Variants in MYO5A observed in about 807,000 individuals in gnomAD.
The protein encoded by MYO5A is myosin VA.
A neutral mutation model predicts 249.7 loss-of-function variants in MYO5A; 98 were observed. The ratio of observed to expected loss-of-function variants is 0.39; its 90% CI spans 0.33 to 0.46. The LOEUF (loss-of-function observed/expected upper bound fraction) is 0.46, where lower values mean the gene tolerates loss of function less well. Among genes scored for constraint, MYO5A ranks in the 20% least tolerant of loss-of-function variants. The probability of loss-of-function intolerance (pLI) is 0.98; values close to 1 mark genes in which losing one functional copy is unlikely to be tolerated. For missense variants in MYO5A, 1,696 were observed against 2,308.8 expected (o/e 0.73, Z 5.44); for synonymous variants, 778 against 810.6 (o/e 0.96, Z 0.68).
At chr15:52,384,612 T>C (rs2041900172) in intron 14 of MYO5A, among the ~76,000 whole-genome samples, 2 of 152,108 alleles carry the variant, frequency 1.3e-5, no homozygotes, top group African/African-American at 4.8e-5. Context: ...AAGTGACAAA[T>C]CTAAACATAT....
At chr15:52,379,076 T>A (rs533736957) in intron 18 of MYO5A, among the ~76,000 whole-genome samples, 1 of 152,230 alleles carries the variant, frequency 6.6e-6, no homozygotes, top group Admixed American at 6.5e-5. Flanking sequence ...TCTTACTCCC[T>A]CTTATAATAG....
Position 52,311,152 on chromosome 15 carries a change from T to G in MYO5A, c.*2544A>C, listed in dbSNP as rs2037758222. The G allele has an allele frequency of 6.6e-6, 1 of 152,206 alleles. No homozygotes were observed. The highest frequency in any genetic ancestry group is 1.5e-5 in the Non-Finnish European group (1 of 68,120). The allele number at this position is 152,206 out of a possible 1,614,324, so 9.4% of individuals were successfully genotyped here. On this transcript the variant is annotated 3_prime_UTR_variant, in exon 42 of 42. Transcript: ENST00000399233. Reference sequence around the variant, plus strand: ...CAGCCTTTCTTTCATGACGCTTCAGTACATGAGCTGTCCGGAGTAAAAAAA... The same window carrying G: ...CAGCCTTTCTTTCATGACGCTTCAGGACATGAGCTGTCCGGAGTAAAAAAA...
At chr15:52,522,857 A>T (rs968129984) in intron 1 of MYO5A, among the ~76,000 whole-genome samples, 2 of 151,630 alleles carry the variant, frequency 1.3e-5, no homozygotes, top group Admixed American at 1.3e-4. Context: ...AAAAAAAAAA[A>T]AGCTAAAAGT....
At chr15:52,320,410 G>T (rs139637488) in intron 38 of MYO5A, among the ~76,000 whole-genome samples, 6 of 152,158 alleles carry the variant, frequency 3.9e-5, no homozygotes, top group South Asian at 2.1e-4. Flanking sequence ...TCTTTGAGGC[G>T]AACTTCTTAT....
At chr15:52,528,053 G>T (rs1566885788) in intron 1 of MYO5A, among the ~76,000 whole-genome samples, 1 of 152,158 alleles carries the variant, frequency 6.6e-6, no homozygotes, top group East Asian at 1.9e-4. Context: ...TCTAAGAAAA[G>T]ACTGCCACTT....
chr15:52,416,404 A>G, intron 4 of MYO5A, 103 bp from the exon 5 acceptor site: 1 of 1,308,896 alleles, frequency 7.6e-7, no homozygotes, highest in Non-Finnish European at 1.1e-6. Context: ...TAATTAATGG[A>G]TTTTTTGGTC....
intron 39 of MYO5A, 62 bp from the exon 40 acceptor site, chr15:52,317,284 T>C: frequency 6.6e-7 from 1 of 1,519,394 alleles, no homozygotes. Flanking sequence ...AATGTCTTAA[T>C]TTTTTTGTGT....
chr15:52,362,320 TGA>T (rs1040927804), intron 24 of MYO5A, among the ~76,000 whole-genome samples: 1 of 152,218 alleles, frequency 6.6e-6, no homozygotes, highest in African/African-American at 2.4e-5. Context: ...ATTGAAGCAG[TGA>T]GAGTGTCATT....
intron 1 of MYO5A, among the ~76,000 whole-genome samples, chr15:52,510,973 G>A (rs1039648342): frequency 1.3e-5 from 2 of 152,218 alleles, no homozygotes; most frequent in African/African-American, 2.4e-5. Context: ...GTACTATACA[G>A]GTTTTGTCTA....
At chr15:52,456,908 A>C (rs2076130324) in intron 1 of MYO5A, among the ~76,000 whole-genome samples, 1 of 152,192 alleles carries the variant, frequency 6.6e-6, no homozygotes, top group Admixed American at 6.5e-5. Context: ...CTAGATAAAG[A>C]TTTTATAGCT....
chr15:52,423,578 C>G (rs904888607), intron 4 of MYO5A, among the ~76,000 whole-genome samples: 6 of 135,318 alleles, frequency 4.4e-5, no homozygotes, highest in African/African-American at 1.7e-4. Flanking sequence ...AAAACAATGG[C>G]AAGAAATGAT....
chr15:52,384,281 G>C lies in MYO5A; in HGVS notation c.1794C>G (p.Ala598=), dbSNP rs778243865. The C allele has an allele frequency of 6.2e-7, 1 of 1,614,034 alleles. No homozygotes were observed. The highest frequency in any genetic ancestry group is 1.3e-5 in the African/African-American group (1 of 74,896). Residue 598 remains alanine, a synonymous_variant, in exon 15 of 42, where the codon GCC becomes GCG. Coordinates refer to ENST00000399233, the MANE Select transcript of MYO5A (RefSeq NM_001382347.1). ...AGGAGGTGGCTGAAGTTGGACTGATGGCCTTCTCATCATCTTGAAATAGTT... is the reference window on the plus strand; with the variant it reads ...AGGAGGTGGCTGAAGTTGGACTGATCGCCTTCTCATCATCTTGAAATAGTT... ...LPELFQDDEK[A]ISPTSATSSG... is the part of the protein sequence containing the mutation.
Position 52,311,105 on chromosome 15 carries a change from T to G in MYO5A, c.*2591A>C, listed in dbSNP as rs990540994. 1 of 152,212 alleles carries G rather than the reference T, an allele frequency of 6.6e-6. No homozygotes were observed. Among genetic ancestry groups the G allele is most frequent in the African/African-American group, 2.4e-5 (1 of 41,372 alleles). 9.4% of individuals were successfully genotyped at this position (152,212 alleles called of 1,614,324 possible). ...CACTTGACAGGACAAAGACAGGAGA[T>G]GGGAGAGAAGGGCTCAGACCACAGC... On this transcript the variant is annotated 3_prime_UTR_variant, in exon 42 of 42. Coordinates refer to ENST00000399233, the MANE Select transcript of MYO5A (RefSeq NM_001382347.1).
intron 1 of MYO5A, among the ~76,000 whole-genome samples, chr15:52,466,246 T>C (rs1253541219): frequency 2.6e-5 from 4 of 152,072 alleles, no homozygotes; most frequent in South Asian, 4.1e-4. Context: ...TCTTTGGCAG[T>C]AGAGAGACTC....
At chr15:52,431,000 G>A (rs1178221396) in intron 2 of MYO5A, among the ~76,000 whole-genome samples, 1 of 151,794 alleles carries the variant, frequency 6.6e-6, no homozygotes, top group Non-Finnish European at 1.5e-5. Context: ...GGGAGGCCGA[G>A]GTGGGTGGAT....
At chr15:52,320,196 T>C (rs2038233335) in intron 38 of MYO5A, among the ~76,000 whole-genome samples, 1 of 152,218 alleles carries the variant, frequency 6.6e-6, no homozygotes, top group Non-Finnish European at 1.5e-5. Context: ...TGCTTCCCTG[T>C]TGTGCTCTCT....
At chr15:52,316,795 T>C (rs1414104690) in intron 40 of MYO5A, among the ~76,000 whole-genome samples, 4 of 152,242 alleles carry the variant, frequency 2.6e-5, no homozygotes, top group African/African-American at 9.6e-5. Flanking sequence ...GTGCCTTCAA[T>C]GTTATATAGA....
chr15:52,528,991 G>C (rs1378403689), upstream of MYO5A: 2 of 299,672 alleles, frequency 6.7e-6, no homozygotes, highest in Non-Finnish European at 1.1e-5. Flanking sequence ...GCCCGCAGGG[G>C]CCTCGCCATC....
At position 52,416,262 on chromosome 15, in the gene MYO5A, A is replaced by C; in HGVS notation, c.495T>G (p.Ser165=). The part of the protein sequence containing the change: ...RNQSIIVSGE[S]GAGKTVSAKY... ...TAGCTGAGACTGTTTTTCCTGCCCC[A>C]GACTCTCCACTTACGATGATGGACT... Residue 165 remains serine, a synonymous_variant, in exon 5 of 42, where the codon TCT becomes TCG. Coordinates refer to ENST00000399233, the MANE Select transcript of MYO5A (RefSeq NM_001382347.1). The C allele has an allele frequency of 6.2e-7, 1 of 1,614,058 alleles. No individual in the cohort carries two copies. Among genetic ancestry groups the C allele is most frequent in the South Asian group, 1.1e-5 (1 of 91,078 alleles).
Sources: allele counts gnomAD v4.1 joint callset (sites outside exome capture counted in the v4.1 genomes callset), GRCh38; gene constraint gnomAD v4.1.1; transcripts MANE v1.5; gene names NCBI Gene and HGNC (gene_info 2026-07-23, HGNC 2026-07-21).